The following CACNA2D3 variants were observed in gnomAD, a reference collection of about 807,000 sequenced individuals.
The protein encoded by CACNA2D3 is voltage-dependent calcium channel subunit alpha-2/delta-3.
In CACNA2D3, 60 loss-of-function variants were observed where a neutral mutation model predicts 160.6. The observed-to-expected ratio is 0.37, with a 90% CI of 0.30 to 0.46. The LOEUF is 0.46. Among genes scored for constraint, CACNA2D3 ranks in the 20% least tolerant of loss-of-function variants. The probability of loss-of-function intolerance (pLI) is 1.00; values close to 1 mark genes in which losing one functional copy is unlikely to be tolerated. For synonymous variants in CACNA2D3, 558 were observed against 492.9 expected, an observed-to-expected ratio of 1.13 and a Z score of -1.75; for missense variants, 1,205 against 1,365.0, an observed-to-expected ratio of 0.88 and a Z score of 1.85.
intron 11 of CACNA2D3, among the ~76,000 whole-genome samples, chr3:54,695,494 A>G (rs1473900847): frequency 6.6e-6 from 1 of 152,054 alleles, no homozygotes; most frequent in Non-Finnish European, 1.5e-5. Context: ...AGTATTTTAA[A>G]GCTATGGATA....
intron 9 of CACNA2D3, among the ~76,000 whole-genome samples, chr3:54,613,952 C>G (rs1166799118): frequency 6.6e-6 from 1 of 152,192 alleles, no homozygotes; most frequent in Non-Finnish European, 1.5e-5. Context: ...GAGCCTCTCC[C>G]TGATGGTACT....
intron 35 of CACNA2D3, among the ~76,000 whole-genome samples, chr3:55,072,617 C>T (rs2107235928): frequency 6.6e-6 from 1 of 152,298 alleles, no homozygotes; most frequent in African/African-American, 2.4e-5. Context: ...GGTTCTAACC[C>T]TGGAGTTAAA....
rs554250611 is a variant in CACNA2D3, at chr3:54,936,179, C to A, written c.2450-32271C>A. On this transcript the variant is annotated intron_variant, in intron 27 of 37. Transcript: ENST00000474759. ...GAATCATAGCAAAAAAAAAAAAAAT[C>A]TTTTGCACATAGTAATATACATTAG... 8.6e-5 allele frequency among the ~76,000 whole-genome samples: 13 copies of A among 151,148 alleles called. No individual in the cohort carries two copies. In the South Asian group the frequency reaches 2.7e-3, roughly 32 times the overall value.
intron 29 of CACNA2D3, among the ~76,000 whole-genome samples, chr3:54,977,831 A>C (rs567046434): frequency 6.6e-6 from 1 of 152,354 alleles, no homozygotes; most frequent in East Asian, 1.9e-4. Context: ...AGTAAACTGA[A>C]AACAAGTTTA....
At chr3:54,315,155 G>T (rs1246818746) in intron 2 of CACNA2D3, among the ~76,000 whole-genome samples, 2 of 152,210 alleles carry the variant, frequency 1.3e-5, no homozygotes, top group African/African-American at 4.8e-5. Context: ...ACAGAAGCCA[G>T]TTGGTAGCCT....
At chr3:54,252,101 T>C (rs1198452005) in intron 2 of CACNA2D3, among the ~76,000 whole-genome samples, 1 of 59,750 alleles carries the variant, frequency 1.7e-5, no homozygotes, top group African/African-American at 9.1e-5. Flanking sequence ...GCAGAGCTAG[T>C]TTTTTTTTTT....
intron 27 of CACNA2D3, among the ~76,000 whole-genome samples, chr3:54,964,618 C>G (rs1223066314): frequency 3.9e-5 from 6 of 152,060 alleles, no homozygotes; most frequent in African/African-American, 1.4e-4. Flanking sequence ...GTGGGACTCA[C>G]TGAAGTAGTC....
chr3:54,570,187 T>A, intron 8 of CACNA2D3, 83 bp downstream of exon 8: 4 of 1,378,678 alleles, frequency 2.9e-6, no homozygotes, highest in Non-Finnish European at 3.1e-6. Flanking sequence ...CTCTCGCTGT[T>A]AGATCCAGAG....
intron 11 of CACNA2D3, among the ~76,000 whole-genome samples, chr3:54,712,239 T>C (rs1700965565): frequency 6.6e-6 from 1 of 152,184 alleles, no homozygotes; most frequent in Non-Finnish European, 1.5e-5. Context: ...AACAACTCCA[T>C]TTACTATCTG....
chr3:54,636,823 T>C (rs1699384171), intron 10 of CACNA2D3, among the ~76,000 whole-genome samples: 1 of 152,056 alleles, frequency 6.6e-6, no homozygotes, highest in Admixed American at 6.5e-5. Context: ...AAATTTGGGC[T>C]TGACTGAAGT....
intron 11 of CACNA2D3, among the ~76,000 whole-genome samples, chr3:54,690,008 G>A (rs1700544206): frequency 6.6e-6 from 1 of 151,888 alleles, no homozygotes; most frequent in South Asian, 2.1e-4. Flanking sequence ...CAACTCCTGA[G>A]ACAAGCAGGC....
intron 35 of CACNA2D3, among the ~76,000 whole-genome samples, chr3:55,049,081 G>A (rs1559473369): frequency 6.6e-6 from 1 of 151,592 alleles, no homozygotes; most frequent in East Asian, 1.9e-4. Context: ...TTTTTGAAGG[G>A]TTTTTTGTGT....
intron 27 of CACNA2D3, among the ~76,000 whole-genome samples, chr3:54,916,513 A>G (rs1044191884): frequency 3.9e-5 from 6 of 152,324 alleles, no homozygotes; most frequent in African/African-American, 1.4e-4. Context: ...ATATTCAGAA[A>G]AAAATTACCA....
chr3:54,291,372 G>A (rs78507078), intron 2 of CACNA2D3, among the ~76,000 whole-genome samples: 1 of 152,100 alleles, frequency 6.6e-6, no homozygotes, highest in South Asian at 2.1e-4. Context: ...TCTAAATTTT[G>A]TCCCTTTAAA....
chr3:54,546,713 C>T (rs1355416633), intron 5 of CACNA2D3, among the ~76,000 whole-genome samples: 4 of 31,718 alleles, frequency 1.3e-4, no homozygotes, highest in East Asian at 7.2e-4. Context: ...CACACACGCG[C>T]GCACACACAC....
chr3:55,057,690 G>A (rs751480222), intron 35 of CACNA2D3, among the ~76,000 whole-genome samples: 3 of 152,102 alleles, frequency 2.0e-5, no homozygotes, highest in Non-Finnish European at 4.4e-5. Context: ...TTTCACAATG[G>A]GAGTTCAATT....
chr3:54,485,249 A>G (rs1700998016), intron 4 of CACNA2D3, among the ~76,000 whole-genome samples: 1 of 152,204 alleles, frequency 6.6e-6, no homozygotes, highest in African/African-American at 2.4e-5. Context: ...TTGAAGTATT[A>G]TGCTCTAGAA....
chr3:55,007,540 AC>A (rs1379843384), intron 32 of CACNA2D3, among the ~76,000 whole-genome samples: 5 of 152,194 alleles, frequency 3.3e-5, no homozygotes, highest in Non-Finnish European at 7.3e-5. Flanking sequence ...CCCACTGATA[AC>A]CCTTGTATTA....
intron 12 of CACNA2D3, among the ~76,000 whole-genome samples, chr3:54,757,287 G>A (rs555404993): frequency 3.2e-4 from 48 of 152,292 alleles, no homozygotes; most frequent in African/African-American, 9.6e-4. Flanking sequence ...AATGCCACAT[G>A]TGTTGTCGTC....
Sources: gnomAD v4.1 joint callset for allele counts (sites outside exome capture counted in the v4.1 genomes callset) on GRCh38, gnomAD v4.1.1 for gene constraint, MANE v1.5 for transcripts, NCBI Gene and HGNC (gene_info 2026-07-23, HGNC 2026-07-21) for gene names.